NTNG2: variants seen among roughly 807,000 people sequenced by gnomAD.
NTNG2 encodes netrin G2.
A neutral mutation model predicts 47.6 loss-of-function variants in NTNG2; 15 were observed. The observed-to-expected ratio is 0.32, with a 90% CI of 0.21 to 0.49. The LOEUF (loss-of-function observed/expected upper bound fraction) is 0.49, where lower values mean the gene tolerates loss of function less well. NTNG2 is among the 20% of genes least tolerant of loss of function. NTNG2 has a pLI of 0.99. For missense variants in NTNG2, 578 were observed against 764.6 expected (o/e 0.76, Z 2.88); for synonymous variants, 307 against 324.6 (o/e 0.95, Z 0.58).
intron 3 of NTNG2, among the ~76,000 whole-genome samples, chr9:132,216,414 C>CTCTCTCTCTGTG (rs1554790515): frequency 1.8e-4 from 20 of 110,332 alleles, no homozygotes; most frequent in African/African-American, 7.8e-4. Context: ...CTCTCTCTCT[C>CTCTCTCTCTGTG]TGTGTGTGTG....
intron 7 of NTNG2, among the ~76,000 whole-genome samples, 189 bp downstream of exon 7, chr9:132,241,233 G>A (rs1477963383): frequency 6.6e-6 from 1 of 151,682 alleles, no homozygotes; most frequent in Non-Finnish European, 1.5e-5. Context: ...CTCGCGAGAC[G>A]GGGCAGGGCC....
intron 3 of NTNG2, among the ~76,000 whole-genome samples, chr9:132,199,733 G>A (rs369005262): frequency 1.2e-4 from 18 of 152,260 alleles, no homozygotes; most frequent in African/African-American, 3.4e-4. Flanking sequence ...ACAGTCCAAC[G>A]GCTTATGGAT....
rs1045190079 is a variant in NTNG2 at position 132,226,141 on chromosome 9, T to C, written c.858-708T>C. ...CAAATTCTCTCGTGAAATGCTTCTA[T>C]AAAAAGAAGCTTCCCCTCATCAACT... On this transcript the variant is annotated intron_variant, in intron 3 of 7. Coordinates refer to ENST00000393229, the MANE Select transcript of NTNG2 (RefSeq NM_032536.4). This position sits in a 1 kb window ranked among gnomAD's most constrained non-coding sequence, Gnocchi z 4.8. 2.0e-5 allele frequency among the ~76,000 whole-genome samples: 3 copies of C among 152,202 alleles called. No individual in the cohort carries two copies. The highest frequency in any genetic ancestry group is 7.2e-5 in the African/African-American group (3 of 41,432).
At chr9:132,240,144 G>A (rs1394477171) in intron 6 of NTNG2, among the ~76,000 whole-genome samples, 1 of 152,238 alleles carries the variant, frequency 6.6e-6, no homozygotes, top group African/African-American at 2.4e-5. Flanking sequence ...CCCCCACCCA[G>A]CAGGAGGCTC....
intron 2 of NTNG2, among the ~76,000 whole-genome samples, chr9:132,170,191 T>C (rs1427229645): frequency 6.6e-6 from 1 of 152,202 alleles, no homozygotes; most frequent in African/African-American, 2.4e-5. Context: ...ACCCTCTCTC[T>C]TTCCCAGGCT....
At chr9:132,174,355 A>G (rs1164394213) in intron 2 of NTNG2, among the ~76,000 whole-genome samples, 2 of 128,424 alleles carry the variant, frequency 1.6e-5, no homozygotes, top group South Asian at 5.5e-4. Context: ...ACCATGCTGC[A>G]GATTAGACGG....
chr9:132,184,855 G>A (rs533801698), intron 2 of NTNG2, among the ~76,000 whole-genome samples: 3 of 152,358 alleles, frequency 2.0e-5, no homozygotes, highest in African/African-American at 4.8e-5. Context: ...CCGGGAGGCC[G>A]AGGTTGCAGT....
intron 5 of NTNG2, among the ~76,000 whole-genome samples, chr9:132,230,989 G>T (rs867101437): frequency 4.6e-5 from 7 of 152,254 alleles, no homozygotes; most frequent in Middle Eastern, 3.4e-3. Context: ...TGGGAGAGCA[G>T]TCTCTCCTGC....
At chr9:132,170,317 T>G (rs1380447131) in intron 2 of NTNG2, among the ~76,000 whole-genome samples, 5 of 152,228 alleles carry the variant, frequency 3.3e-5, no homozygotes, top group Non-Finnish European at 7.3e-5. Context: ...TGGCTCTAAA[T>G]GCACAATGAG....
chr9:132,206,975 T>C (rs1839213594), intron 3 of NTNG2, among the ~76,000 whole-genome samples: 1 of 152,228 alleles, frequency 6.6e-6, no homozygotes, highest in Non-Finnish European at 1.5e-5. Context: ...GCTCCACTGC[T>C]GGGTGGGGCG....
chr9:132,226,913 G>A lies in NTNG2; in HGVS notation c.922G>A (p.Glu308Lys), dbSNP rs757969256. 15 of 1,612,680 alleles carry A rather than the reference G, an allele frequency of 9.3e-6. No homozygotes were observed. Among genetic ancestry groups the A allele is most frequent in the East Asian group, 6.7e-5 (3 of 44,850 alleles). ...CGAGGGCAGCCTGCAGTGCGAGTGC[G>A]AGCACAACACCACCGGCCCCGACTG... ...MREGSLQCEC[E>K]HNTTGPDCGK... The change falls in exon 4 of 8, where the codon GAG becomes AAG. Residue 308 changes from glutamate to lysine, a missense_variant. Transcript: ENST00000393229. The surrounding 1 kb of genome is among the most constrained non-coding windows in gnomAD (Gnocchi z 4.8).
At chr9:132,238,928 C>G (rs1193209701) in intron 5 of NTNG2, 176 bp from the exon 6 acceptor site, 1 of 691,194 alleles carries the variant, frequency 1.4e-6, no homozygotes, top group African/African-American at 1.8e-5. Context: ...GCAGGGAGGC[C>G]TCTCTCTTCC....
At chr9:132,196,267 T>C (rs1838306870) in intron 2 of NTNG2, among the ~76,000 whole-genome samples, 1 of 152,254 alleles carries the variant, frequency 6.6e-6, no homozygotes, top group Non-Finnish European at 1.5e-5. Context: ...CTCGGCTCAC[T>C]GCAACCTACG....
At chr9:132,238,888 A>G (rs1841810687) in intron 5 of NTNG2, 8 of 636,034 alleles carry the variant, frequency 1.3e-5, no homozygotes, top group Admixed American at 5.6e-5. Flanking sequence ...CCCTGGGCTC[A>G]GCCTACTCAG....
chr9:132,239,405 T>G, intron 6 of NTNG2, 134 bp downstream of exon 6: 2 of 801,466 alleles, frequency 2.5e-6, no homozygotes, highest in Non-Finnish European at 4.1e-6. Flanking sequence ...TCCAGGGCCC[T>G]CTCCAGTTGA....
intron 4 of NTNG2, among the ~76,000 whole-genome samples, chr9:132,229,971 G>A (rs527361200): frequency 1.8e-4 from 28 of 152,158 alleles, no homozygotes; most frequent in Admixed American, 1.4e-3. Flanking sequence ...GCCCACTCTC[G>A]GCTATATTTC....
rs771502294 is a variant in NTNG2 at position 132,231,512 on chromosome 9, C to T, written c.1054+917C>T. ...GCCCCTGGCTGGGAAGCCAGTGAGC[C>T]GAGAGGGCGCCAGAAAGAAGCTGGA... On this transcript the variant is annotated intron_variant, in intron 5 of 7. Coordinates refer to ENST00000393229, the MANE Select transcript of NTNG2 (RefSeq NM_032536.4). This position sits in a 1 kb window ranked among gnomAD's most constrained non-coding sequence, Gnocchi z 4.1. 1.2e-4 allele frequency: 44 copies of T among 355,306 alleles called. No individual in the cohort carries two copies. Among genetic ancestry groups the T allele is most frequent in the East Asian group, 8.2e-5 (1 of 12,224 alleles). The allele number at this position is 355,306 out of a possible 1,614,324, so 22.0% of individuals were successfully genotyped here.
chr9:132,201,300 C>T (rs545198007), intron 3 of NTNG2, among the ~76,000 whole-genome samples: 67 of 152,358 alleles, frequency 4.4e-4, no homozygotes, highest in South Asian at 2.9e-3. Context: ...GAGGTGGTTC[C>T]GCTTGGCACC....
intron 6 of NTNG2, 98 bp from the exon 7 acceptor site, chr9:132,240,812 G>T (rs530847211): frequency 1.3e-6 from 2 of 1,552,710 alleles, no homozygotes; most frequent in African/African-American, 2.7e-5. Flanking sequence ...CCCCTGGGGA[G>T]TGTGGAGATG....
Sources: allele counts gnomAD v4.1 joint callset (sites outside exome capture counted in the v4.1 genomes callset), GRCh38; gene constraint gnomAD v4.1.1; non-coding constraint Gnocchi (gnomAD v3.1); transcripts MANE v1.5; gene names NCBI Gene and HGNC (gene_info 2026-07-23, HGNC 2026-07-21).